The following FRY variants were observed in gnomAD, a reference collection of about 807,000 sequenced individuals.
FRY encodes protein furry homolog.
Under a neutral mutation model 348.4 loss-of-function variants are expected in FRY, and 128 were observed. The ratio of observed to expected loss-of-function variants is 0.37; its 90% CI spans 0.32 to 0.43. The LOEUF (loss-of-function observed/expected upper bound fraction) is 0.43. Ranked by LOEUF, FRY falls within the 20% of genes least tolerant of loss-of-function variation. The probability of loss-of-function intolerance (pLI) is 1.00; values close to 1 mark genes in which losing one functional copy is unlikely to be tolerated. For missense variants in FRY, 2,736 were observed against 3,695.2 expected (o/e 0.74, Z 6.73); for synonymous variants, 1,370 against 1,374.7 (o/e 1.00, Z 0.08).
intron 1 of FRY, among the ~76,000 whole-genome samples, chr13:32,035,479 A>T (rs540417644): frequency 6.6e-6 from 1 of 152,314 alleles, no homozygotes; most frequent in African/African-American, 2.4e-5. Flanking sequence ...CTAGAGAACA[A>T]GTTTAAAGTG....
In FRY at chr13:32,261,686, T is replaced by C; in HGVS notation, c.7487T>C (p.Met2496Thr). The C allele has an allele frequency of 6.2e-7, 1 of 1,614,146 alleles. No homozygotes were observed. Among genetic ancestry groups the C allele is most frequent in the Non-Finnish European group, 8.5e-7 (1 of 1,180,016 alleles). ...CTGGACAGCCTGGATAAGTGTGATA[T>C]GCAGATTCTGGAGGAGCGCCAACTG... is the stretch of plus-strand genomic sequence containing the variant. ...RSLDSLDKCD[M>T]QILEERQLSG... Residue 2496 changes from methionine to threonine, a missense_variant, in exon 52 of 61, where the codon ATG becomes ACG. Coordinates refer to ENST00000542859, the MANE Select transcript of FRY (RefSeq NM_023037.3).
At chr13:32,224,088 A>G (rs9533917) in intron 36 of FRY, 147 bp from the exon 37 acceptor site, 57,379 of 705,256 alleles carry the variant, frequency 0.081, 2,736 homozygotes, top group Non-Finnish European at 0.098. Flanking sequence ...TGCCAGCGAG[A>G]CCCTGTCCCT....
At position 32,078,842 on chromosome 13, in the gene FRY, G is replaced by A. The variant is rs35417728; in HGVS notation, c.79G>A (p.Val27Ile). The stretch of plus-strand genomic sequence containing the variant: ...CCCATTCTGTTTTTCAGCTTCTCCC[G>A]TTGGCAACGGTTACATCAAGCCTCC... ...LLKSWSNTSP[V>I]GNGYIKPPVP... The change falls in exon 2 of 61, where the codon GTT becomes ATT. Residue 27 changes from valine to isoleucine, a missense_variant. This residue lies in a region of FRY where 309 missense variants were observed against 418.1 expected (regional missense o/e 0.74). Coordinates refer to ENST00000542859, the MANE Select transcript of FRY (RefSeq NM_023037.3). 453 of 1,613,614 alleles carry A rather than the reference G, an allele frequency of 2.8e-4. No individual in the cohort carries two copies. The African/African-American group carries it at 3.0e-3, about 11-fold the overall frequency.
chr13:32,131,609 A>G, intron 7 of FRY, 63 bp from the exon 8 acceptor site: 3 of 1,112,146 alleles, frequency 2.7e-6, no homozygotes, highest in South Asian at 1.2e-5. Flanking sequence ...CAGATGCTGG[A>G]GGCCCCCATT....
chr13:32,198,712 A>T (rs993520110), intron 29 of FRY, among the ~76,000 whole-genome samples: 4 of 152,212 alleles, frequency 2.6e-5, no homozygotes, highest in Admixed American at 2.0e-4. Context: ...ATCATTCAAC[A>T]TCATTCTTGC....
rs763668560 is a variant in FRY, at chr13:32,237,479, G to A, written c.5911G>A (p.Ala1971Thr). ...CCCGGGAACCACCAGCGGCAACACC[G>A]CAACTGCCGAACGGAGCCGGCATCA... ...MNPGTTSGNT[A>T]TAERSRHQRS... is the part of the protein sequence containing the mutation. Residue 1971 changes from alanine (A) to threonine (T), a missense_variant, in exon 44 of 61, where the codon GCA becomes ACA. This residue lies in a region of FRY where 794 missense variants were observed against 977.0 expected (regional missense o/e 0.81). Coordinates refer to ENST00000542859, the MANE Select transcript of FRY (RefSeq NM_023037.3). This position sits in a 1 kb window ranked among gnomAD's most constrained non-coding sequence, Gnocchi z 6.3. 18 of 1,614,112 alleles carry A rather than the reference G, an allele frequency of 1.1e-5. No homozygotes were observed. The highest frequency in any genetic ancestry group is 4.5e-5 in the East Asian group (2 of 44,874).
chr13:32,090,584 A>G (rs1876232013), intron 2 of FRY, among the ~76,000 whole-genome samples: 1 of 152,204 alleles, frequency 6.6e-6, no homozygotes, highest in South Asian at 2.1e-4. Flanking sequence ...TACTGAGTGA[A>G]CATAACATGC....
At chr13:32,069,907 CCT>C (rs1288478620) in intron 1 of FRY, among the ~76,000 whole-genome samples, 1 of 151,058 alleles carries the variant, frequency 6.6e-6, no homozygotes, top group Admixed American at 6.6e-5. Flanking sequence ...TGTTCCCTGC[CCT>C]GTGTCCGTGT....
intron 58 of FRY, among the ~76,000 whole-genome samples, chr13:32,285,725 G>A (rs190363986): frequency 8.9e-4 from 135 of 152,262 alleles, no homozygotes; most frequent in Admixed American, 3.2e-3. Context: ...TCCCATAGTA[G>A]CAAATGTTTA....
chr13:32,124,578 T>A (rs1417579519), intron 5 of FRY, 24 bp from the exon 6 acceptor site: 7 of 1,434,234 alleles, frequency 4.9e-6, no homozygotes, highest in Admixed American at 1.7e-5. Context: ...CCCTTCTGAG[T>A]TAAGAACCAC....
chr13:32,284,920 T>A (rs1269518620), intron 58 of FRY, among the ~76,000 whole-genome samples: 1 of 152,258 alleles, frequency 6.6e-6, no homozygotes, highest in African/African-American at 2.4e-5. Context: ...ATGGCTATGC[T>A]ACTGTCGATC....
intron 1 of FRY, among the ~76,000 whole-genome samples, chr13:32,065,505 C>T (rs986261694): frequency 6.6e-6 from 1 of 152,012 alleles, no homozygotes; most frequent in Non-Finnish European, 1.5e-5. Flanking sequence ...GCGGTTTCAC[C>T]GTGTTCCCTA....
At chr13:32,122,811 C>G (rs1465988546) in intron 4 of FRY, among the ~76,000 whole-genome samples, 1 of 152,144 alleles carries the variant, frequency 6.6e-6, no homozygotes, top group Admixed American at 6.5e-5. Context: ...CAGAAAGCTC[C>G]TAGGACTGAT....
At chr13:32,214,496 C>G (rs56186906) in intron 35 of FRY, among the ~76,000 whole-genome samples, 39,612 of 152,038 alleles carry the variant, frequency 0.26, 5,727 homozygotes, top group African/African-American at 0.39. Context: ...TTAGTGTAGA[C>G]AGTTCTTCTT....
chr13:32,137,070 AG>A, intron 11 of FRY, 98 bp downstream of exon 11: 1 of 767,980 alleles, frequency 1.3e-6, no homozygotes, highest in Non-Finnish European at 2.4e-6. Context: ...GATGTTTGCC[AG>A]GGGAATTGTC....
chr13:32,110,201 A>T (rs1277899251), intron 3 of FRY, among the ~76,000 whole-genome samples: 1 of 152,204 alleles, frequency 6.6e-6, no homozygotes, highest in Non-Finnish European at 1.5e-5. Flanking sequence ...GATTGGTAGC[A>T]CCTAAATAAC....
At chr13:32,273,368 G>A (rs935193138) in intron 55 of FRY, among the ~76,000 whole-genome samples, 12 of 151,814 alleles carry the variant, frequency 7.9e-5, no homozygotes, top group African/African-American at 2.9e-4. Flanking sequence ...GACTACAGGC[G>A]CCCACCACCT....
intron 1 of FRY, among the ~76,000 whole-genome samples, chr13:32,051,540 T>C (rs1397125357): frequency 6.6e-6 from 1 of 152,238 alleles, no homozygotes; most frequent in African/African-American, 2.4e-5. Flanking sequence ...GAGACGAGTA[T>C]ACTCTATTTA....
intron 1 of FRY, among the ~76,000 whole-genome samples, chr13:32,036,681 C>T (rs1468733216): frequency 6.6e-6 from 1 of 151,736 alleles, no homozygotes; most frequent in Admixed American, 6.6e-5. Flanking sequence ...CGCCATATGA[C>T]CACTCTGTTT....
Sources: allele counts gnomAD v4.1 joint callset (sites outside exome capture counted in the v4.1 genomes callset), GRCh38; gene constraint gnomAD v4.1.1; regional missense constraint gnomAD v4.1.1; non-coding constraint Gnocchi (gnomAD v3.1); transcripts MANE v1.5; gene names NCBI Gene and HGNC (gene_info 2026-07-23, HGNC 2026-07-21).